Variants in ARG2 observed in about 807,000 individuals in gnomAD.
ARG2 encodes arginase-2, mitochondrial.
Under a neutral mutation model 39.4 loss-of-function variants are expected in ARG2, and 21 were observed. The observed-to-expected ratio is 0.53, with a 90% CI of 0.38 to 0.77. The LOEUF is 0.77. ARG2 is among the 30% of genes least tolerant of loss of function. The pLI is 0.00. For missense variants in ARG2, 378 were observed against 426.2 expected (o/e 0.89, Z 1.00); for synonymous variants, 150 against 156.7 (o/e 0.96, Z 0.32).
At chr14:67,636,198 G>T (rs2140748467) in intron 2 of ARG2, among the ~76,000 whole-genome samples, 1 of 151,944 alleles carries the variant, frequency 6.6e-6, no homozygotes, top group Non-Finnish European at 1.5e-5. Context: ...CTCTTGACTT[G>T]CTATGAGCCC....
chr14:67,645,584 T>TA (rs1310829668), intron 3 of ARG2, 59 bp from the exon 4 acceptor site: 1 of 1,566,826 alleles, frequency 6.4e-7, no homozygotes, highest in African/African-American at 1.4e-5. Flanking sequence ...CTGAGGACGT[T>TA]TGTTATCGGT....
chr14:67,627,727 G>C (rs2036882851), intron 2 of ARG2, among the ~76,000 whole-genome samples: 1 of 152,148 alleles, frequency 6.6e-6, no homozygotes, highest in Admixed American at 6.6e-5. Flanking sequence ...TTGAGGCCAG[G>C]AGTTTAAGAT....
chr14:67,644,322 T>C (rs1421021038), intron 3 of ARG2, among the ~76,000 whole-genome samples: 1 of 152,192 alleles, frequency 6.6e-6, no homozygotes. Flanking sequence ...ATTATTATTA[T>C]CCCTATCTCA....
chr14:67,627,792 C>T (rs888216274), intron 2 of ARG2, among the ~76,000 whole-genome samples: 2 of 152,128 alleles, frequency 1.3e-5, no homozygotes, highest in African/African-American at 4.8e-5. Context: ...AGTCTATTTC[C>T]ACAGCAAGGA....
At chr14:67,639,004 C>T (rs570600976) in intron 2 of ARG2, among the ~76,000 whole-genome samples, 45 of 152,188 alleles carry the variant, frequency 3.0e-4, no homozygotes, top group African/African-American at 1.1e-3. Flanking sequence ...ATCCACTACC[C>T]AGGTTGGGAA....
At chr14:67,645,540 C>A in intron 3 of ARG2, 103 bp from the exon 4 acceptor site, 1 of 1,343,980 alleles carries the variant, frequency 7.4e-7, no homozygotes, top group Non-Finnish European at 1.0e-6. Context: ...TAGGCCCTGG[C>A]TTTGCACTGT....
chr14:67,646,819 T>A (rs1011397017), intron 5 of ARG2, 81 bp downstream of exon 5: 1 of 1,433,760 alleles, frequency 7.0e-7, no homozygotes, highest in African/African-American at 1.4e-5. Flanking sequence ...CTTAACTTGG[T>A]CTATTGCAGG....
chr14:67,635,656 C>G (rs947735254), intron 2 of ARG2, among the ~76,000 whole-genome samples: 1 of 152,126 alleles, frequency 6.6e-6, no homozygotes, highest in Non-Finnish European at 1.5e-5. Flanking sequence ...GAGTTCCAGA[C>G]CAGTCTGGCC....
chr14:67,646,289 T>TGGCAACCAGGTTATGCTTCAAGAACCA (rs2037097950), intron 4 of ARG2, among the ~76,000 whole-genome samples: 1 of 152,204 alleles, frequency 6.6e-6, no homozygotes, highest in South Asian at 2.1e-4. Context: ...CAACTTGAGA[T>TGGCAACCAGGTTATGCTTCAAGAACCA]GGCAACCAGG....
In ARG2 at chr14:67,650,888, G is replaced by T; in HGVS notation, c.1033G>T (p.Glu345Ter). ...ACTTCCTACTCCCAGTTCACCAGAT[G>T]AATCAGAAAATCAAGCACGTGTGAG... ...DQLPTPSSPDESENQARVRI is the reference protein window; with the variant it reads ...DQLPTPSSPD Residue 345 changes from glutamate to a stop codon, truncating the protein, a stop_gained, in exon 8 of 8, where the codon GAA (glutamate) becomes TAA (stop). Transcript: ENST00000261783. LOFTEE classifies it high-confidence loss of function. The T allele has an allele frequency of 6.2e-7, 1 of 1,614,076 alleles. No homozygotes were observed. Among genetic ancestry groups the T allele is most frequent in the Non-Finnish European group, 8.5e-7 (1 of 1,179,960 alleles).
intron 7 of ARG2, chr14:67,648,684 A>G (rs1566807278): frequency 6.6e-6 from 1 of 152,380 alleles, no homozygotes; most frequent in African/African-American, 2.4e-5. Context: ...AGGGGGATAC[A>G]GTTAGATGAG....
At chr14:67,627,548 G>A (rs12587111) in intron 2 of ARG2, among the ~76,000 whole-genome samples, 1 of 151,866 alleles carries the variant, frequency 6.6e-6, no homozygotes, top group African/African-American at 2.4e-5. Context: ...TGGTTGCTAG[G>A]TTGACTCAAC....
At chr14:67,627,456 T>A (rs187535478) in intron 2 of ARG2, among the ~76,000 whole-genome samples, 35 of 152,236 alleles carry the variant, frequency 2.3e-4, no homozygotes, top group Admixed American at 1.4e-3. Flanking sequence ...CTTTTCAAGC[T>A]CTAGTTTTGG....
chr14:67,627,472 G>A (rs1342322027), intron 2 of ARG2, among the ~76,000 whole-genome samples: 2 of 152,038 alleles, frequency 1.3e-5, no homozygotes, highest in African/African-American at 4.8e-5. Flanking sequence ...TTTGGGCATT[G>A]AAAAGAGATG....
chr14:67,633,503 C>T (rs546212967), intron 2 of ARG2, among the ~76,000 whole-genome samples: 2 of 152,304 alleles, frequency 1.3e-5, no homozygotes, highest in South Asian at 4.1e-4. Flanking sequence ...GTCAACATAT[C>T]CCAAACTGAC....
chr14:67,632,184 G>C (rs1252078290), intron 2 of ARG2, among the ~76,000 whole-genome samples: 1 of 152,160 alleles, frequency 6.6e-6, no homozygotes, highest in Non-Finnish European at 1.5e-5. Flanking sequence ...ACTATGCCCA[G>C]CAAAAACTTT....
At chr14:67,649,716 G>A (rs774025142) in intron 7 of ARG2, 7 of 152,086 alleles carry the variant, frequency 4.6e-5, no homozygotes, top group African/African-American at 9.7e-5. Context: ...GATGCTGAAC[G>A]GACATGATGG....
At chr14:67,637,410 C>CAAAAA (rs34746542) in intron 2 of ARG2, among the ~76,000 whole-genome samples, 17 of 103,604 alleles carry the variant, frequency 1.6e-4, no homozygotes, top group Non-Finnish European at 2.5e-4. Context: ...GACTCTGTCT[C>CAAAAA]AAAAAAAAAA....
At chr14:67,640,616 A>G (rs1006616495) in intron 2 of ARG2, among the ~76,000 whole-genome samples, 1 of 152,220 alleles carries the variant, frequency 6.6e-6, no homozygotes, top group Non-Finnish European at 1.5e-5. Flanking sequence ...CTCTGCAAAT[A>G]TTAAGATACG....
Sources: allele counts gnomAD v4.1 joint callset (sites outside exome capture counted in the v4.1 genomes callset), GRCh38; gene constraint gnomAD v4.1.1; transcripts MANE v1.5; gene names NCBI Gene and HGNC (gene_info 2026-07-23, HGNC 2026-07-21).